Variants in ADGB observed in about 807,000 individuals in gnomAD.
The protein encoded by ADGB is calpain-7-like protein.
In ADGB, 172 loss-of-function variants were observed where a neutral mutation model predicts 210.5. The observed-to-expected ratio is 0.82, with a 90% CI of 0.72 to 0.93. ADGB has a LOEUF of 0.93. Among genes scored for constraint, ADGB ranks in the 40% least tolerant of loss-of-function variants. The probability of loss-of-function intolerance (pLI) is 0.00; values close to 1 mark genes in which losing one functional copy is unlikely to be tolerated. For missense variants in ADGB, 2,025 were observed against 1,964.8 expected, an observed-to-expected ratio of 1.03 and a Z score of -0.58; for synonymous variants, 658 against 662.7, an observed-to-expected ratio of 0.99 and a Z score of 0.11.
At chr6:146,613,268 TTAAC>T (rs1375246541) in intron 1 of ADGB, among the ~76,000 whole-genome samples, 1 of 152,244 alleles carries the variant, frequency 6.6e-6, no homozygotes, top group Admixed American at 6.5e-5. Context: ...CAGCATGACT[TTAAC>T]TATTTTAATT....
At chr6:146,721,866 T>C (rs1776822435) in intron 17 of ADGB, among the ~76,000 whole-genome samples, 1 of 151,974 alleles carries the variant, frequency 6.6e-6, no homozygotes, top group African/African-American at 2.4e-5. Flanking sequence ...TTTAAAAATA[T>C]TTTTAGAAGA....
intron 27 of ADGB, among the ~76,000 whole-genome samples, chr6:146,762,157 G>GC (rs1562294821): frequency 2.2e-5 from 2 of 90,832 alleles, no homozygotes; most frequent in Non-Finnish European, 6.0e-5. Context: ...ATATTTTTTT[G>GC]GGGGGGTCAC....
intron 27 of ADGB, among the ~76,000 whole-genome samples, chr6:146,756,164 G>T (rs1379267294): frequency 6.6e-6 from 1 of 152,040 alleles, no homozygotes; most frequent in African/African-American, 2.4e-5. Flanking sequence ...TCTTTTCCCA[G>T]TCCAGTGTTC....
chr6:146,600,924 GCGCACACACACA>G lies in ADGB; in HGVS notation c.74+1812_74+1823del, dbSNP rs1391825358. 2.3e-3 allele frequency among the ~76,000 whole-genome samples: 111 copies of G among 47,576 alleles called. 1 individual carries two copies. Among genetic ancestry groups the G allele is most frequent in the South Asian group, 6.5e-3 (9 of 1,386 alleles). The allele number at this position is 47,576 out of a possible 152,430, so 31.2% of individuals were successfully genotyped here. ...AATTTTGAGTACACCCCTCCCCCAT[GCGCACACACACA>G]CACACACACACACACACACACACAC... On this transcript the variant is annotated intron_variant, in intron 1 of 35. Transcript: ENST00000397944.
intron 1 of ADGB, among the ~76,000 whole-genome samples, chr6:146,622,676 G>A (rs556586476): frequency 6.6e-6 from 1 of 152,108 alleles, no homozygotes; most frequent in African/African-American, 2.4e-5. Flanking sequence ...GTTTGTGGCA[G>A]TCTTTTTATT....
chr6:146,655,696 C>T (rs1775769530), intron 4 of ADGB, among the ~76,000 whole-genome samples: 1 of 151,940 alleles, frequency 6.6e-6, no homozygotes, highest in Non-Finnish European at 1.5e-5. Context: ...GTATAAAATA[C>T]ACCTATTTAA....
chr6:146,712,555 C>A (rs1481921149), intron 13 of ADGB, among the ~76,000 whole-genome samples: 8 of 152,056 alleles, frequency 5.3e-5, no homozygotes, highest in African/African-American at 1.9e-4. Flanking sequence ...GCATGAACCA[C>A]TTCAATCTGA....
At chr6:146,627,857 T>C (rs1404022578) in intron 1 of ADGB, among the ~76,000 whole-genome samples, 2 of 152,134 alleles carry the variant, frequency 1.3e-5, no homozygotes. Context: ...TGTGTTACCT[T>C]GCAATCTGAA....
intron 32 of ADGB, 58 bp from the exon 33 acceptor site, chr6:146,788,331 T>A: frequency 6.9e-7 from 1 of 1,446,230 alleles, no homozygotes; most frequent in Non-Finnish European, 9.5e-7. Context: ...CCTGTTACTG[T>A]TTGCATGTGA....
In ADGB at chr6:146,689,747, A is replaced by G. The variant is rs911523940; in HGVS notation, c.1312-1369A>G. 5.9e-5 allele frequency among the ~76,000 whole-genome samples: 9 copies of G among 152,228 alleles called. No homozygotes were observed. The East Asian group carries it at 1.7e-3, about 29-fold the overall frequency. On this transcript the variant is annotated intron_variant, in intron 10 of 35. Transcript: ENST00000397944. ...GTAATTCACCTTTTATAACTACTAT[A>G]CCAAGGCATTTTCTTTCCATTGAAA...
In ADGB at chr6:146,733,904, G is replaced by T. The variant is rs374110226; in HGVS notation, c.2668G>T (p.Asp890Tyr). ...TTTTCCCTTTCCAGTGGAATGGCTGGACGTTAAATATTGTATGCCCACAAG... is the reference window on the plus strand; with the variant it reads ...TTTTCCCTTTCCAGTGGAATGGCTGTACGTTAAATATTGTATGCCCACAAG... ...LEEVSLVEWL[D>Y]VKYCMPTSDK... The change falls in exon 22 of 36, where the codon GAC (aspartate) becomes TAC (tyrosine). Residue 890 changes from aspartate (D) to tyrosine (Y), a missense_variant. Asp to Tyr is a radical substitution (Grantham distance 160, BLOSUM62 -3). Coordinates refer to ENST00000397944, the MANE Select transcript of ADGB (RefSeq NM_024694.4). 6.4e-7 allele frequency: 1 copy of T among 1,551,454 alleles called. No individual in the cohort carries two copies. Among genetic ancestry groups the T allele is most frequent in the Non-Finnish European group, 8.7e-7 (1 of 1,146,946 alleles).
At chr6:146,758,521 T>C (rs1777441959) in intron 27 of ADGB, among the ~76,000 whole-genome samples, 1 of 152,006 alleles carries the variant, frequency 6.6e-6, no homozygotes, top group Non-Finnish European at 1.5e-5. Context: ...GAAGTATACA[T>C]AAGTATTTAA....
chr6:146,635,622 A>C (rs1436190378), intron 2 of ADGB, 85 bp downstream of exon 2: 1 of 1,329,936 alleles, frequency 7.5e-7, no homozygotes, highest in Non-Finnish European at 9.9e-7. Flanking sequence ...AAAGGTATTC[A>C]TTCTTCTCCA....
chr6:146,732,460 T>C lies in ADGB; in HGVS notation c.2521-660T>C, dbSNP rs545338631. Among the ~76,000 whole-genome samples the C allele has an allele frequency of 3.9e-5, 6 of 152,304 alleles. No homozygotes were observed. In the South Asian group the frequency reaches 1.2e-3, roughly 32 times the overall value. On this transcript the variant is annotated intron_variant, in intron 20 of 35. Transcript: ENST00000397944. Reference sequence around the variant, plus strand: ...CTGGATGAAAGAGAGCCCAGGTGGTTGGTTCACCATTTCATGCTACCAAGA... The same window carrying C: ...CTGGATGAAAGAGAGCCCAGGTGGTCGGTTCACCATTTCATGCTACCAAGA...
intron 16 of ADGB, among the ~76,000 whole-genome samples, chr6:146,720,722 G>GGA (rs372951346): frequency 2.6e-5 from 4 of 151,854 alleles, no homozygotes; most frequent in Non-Finnish European, 4.4e-5. Flanking sequence ...TGGCAGAACA[G>GGA]GAGAGAGAGA....
At chr6:146,671,721 T>A (rs139947569) in intron 7 of ADGB, among the ~76,000 whole-genome samples, 1 of 151,038 alleles carries the variant, frequency 6.6e-6, no homozygotes, top group African/African-American at 2.4e-5. Context: ...AGAAAGGGAG[T>A]GTTCAAAGGA....
intron 1 of ADGB, among the ~76,000 whole-genome samples, chr6:146,602,273 C>T (rs977392429): frequency 6.6e-6 from 1 of 152,084 alleles, no homozygotes; most frequent in Non-Finnish European, 1.5e-5. Flanking sequence ...GCTCTTACCC[C>T]AGCATGTCCT....
chr6:146,644,774 A>AT lies in ADGB; in HGVS notation c.246dup (p.Glu83Ter), dbSNP rs1583572210. 6.9e-6 allele frequency: 10 copies of AT among 1,446,144 alleles called. No individual in the cohort carries two copies. Among genetic ancestry groups the AT allele is most frequent in the South Asian group, 4.6e-5 (3 of 65,532 alleles). The allele number at this position is 1,446,144 out of a possible 1,614,324, so 89.6% of individuals were successfully genotyped here. A position where few individuals can be genotyped will look rare whatever the true frequency, so the allele number is the denominator to read the frequency against. Reference sequence around the variant, plus strand: ...AAAACTCAATTTATTTTTATATAGCATTTTTTTGAGGACCCTGAAGGAAAG... The same window carrying AT: ...AAAACTCAATTTATTTTTATATAGCATTTTTTTTGAGGACCCTGAAGGAAAG... On this transcript the variant is annotated frameshift_variant and splice_region_variant, in exon 3 of 36. Transcript: ENST00000397944. LOFTEE classifies it high-confidence loss of function.
intron 3 of ADGB, among the ~76,000 whole-genome samples, chr6:146,649,950 A>C (rs966755612): frequency 6.6e-6 from 1 of 152,172 alleles, no homozygotes; most frequent in Non-Finnish European, 1.5e-5. Flanking sequence ...ATATACCTAA[A>C]CATATCTAAA....
Sources: gnomAD v4.1 joint callset for allele counts (sites outside exome capture counted in the v4.1 genomes callset) on GRCh38, gnomAD v4.1.1 for gene constraint, MANE v1.5 for transcripts, NCBI Gene and HGNC (gene_info 2026-07-23, HGNC 2026-07-21) for gene names.